HEATR6: variants seen among roughly 807,000 people sequenced by gnomAD.
HEATR6 encodes the protein HEAT repeat-containing protein 6.
HEATR6 carries 106 observed loss-of-function variants against 132.8 expected under a neutral mutation model. That is an observed-to-expected ratio of 0.80 (90% CI 0.68 to 0.94). The LOEUF (loss-of-function observed/expected upper bound fraction) is 0.94. HEATR6 is among the 40% of genes least tolerant of loss of function. The pLI, the probability that HEATR6 is intolerant of heterozygous loss-of-function variation, is 0.00. For synonymous variants in HEATR6, 529 were observed against 537.8 expected (o/e 0.98, Z 0.23); for missense variants, 1,339 against 1,425.1 (o/e 0.94, Z 0.97).
chr17:60,043,940 T>C lies in HEATR6; in HGVS notation c.3169A>G (p.Ile1057Val), dbSNP rs1184886107. 1.9e-6 allele frequency: 3 copies of C among 1,614,144 alleles called. No individual in the cohort carries two copies. The highest frequency in any genetic ancestry group is 1.7e-5 in the Admixed American group (1 of 60,028). Reference sequence around the variant, plus strand: ...CAGTACTTGAATTCCAAAAAGTCTATGGTGTCTTCACTCTTCTGTAAAGCG... The same window carrying C: ...CAGTACTTGAATTCCAAAAAGTCTACGGTGTCTTCACTCTTCTGTAAAGCG... ...VTALQKSEDT[I>V]DFLEFKYCVS... Residue 1057 changes from isoleucine to valine, a missense_variant, in exon 20 of 20, where the codon ATA becomes GTA. Transcript: ENST00000184956.
intron 15 of HEATR6, 77 bp from the exon 16 acceptor site, chr17:60,049,779 A>G (rs1906519085): frequency 2.0e-6 from 3 of 1,509,596 alleles, no homozygotes; most frequent in East Asian, 4.6e-5. Flanking sequence ...AAGATGTGAA[A>G]TATCTGTGTC....
At chr17:60,049,742 A>G (rs768016362) in intron 15 of HEATR6, 40 bp from the exon 16 acceptor site, 2 of 1,603,724 alleles carry the variant, frequency 1.2e-6, no homozygotes, top group Non-Finnish European at 1.7e-6. Flanking sequence ...TGAGAATGAA[A>G]TAACTACAAG....
At chr17:60,045,981 TC>T in intron 19 of HEATR6, 43 bp downstream of exon 19, 2 of 1,375,972 alleles carry the variant, frequency 1.5e-6, no homozygotes, top group Non-Finnish European at 2.1e-6. Flanking sequence ...TTGGTGTGTG[TC>T]CCAAGAGGCT....
chr17:60,073,092 G>T (rs2083277842), intron 4 of HEATR6, 72 bp downstream of exon 4: 1 of 812,958 alleles, frequency 1.2e-6, no homozygotes, highest in Non-Finnish European at 2.1e-6. Flanking sequence ...TCAGGCACAG[G>T]GAACTACCTA....
intron 1 of HEATR6, among the ~76,000 whole-genome samples, chr17:60,077,088 C>A (rs192391911): frequency 6.6e-6 from 1 of 152,086 alleles, no homozygotes; most frequent in African/African-American, 2.4e-5. Context: ...CAAACATGTT[C>A]CTGAACCTCA....
intron 12 of HEATR6, 89 bp from the exon 13 acceptor site, chr17:60,056,326 T>TA: frequency 7.8e-7 from 1 of 1,285,716 alleles, no homozygotes; most frequent in East Asian, 2.5e-5. Context: ...AGAAATCGCT[T>TA]ACATTTAACA....
intron 17 of HEATR6, 145 bp downstream of exon 17, chr17:60,048,118 GA>G (rs2145180420): frequency 1.5e-6 from 1 of 648,726 alleles, no homozygotes; most frequent in East Asian, 2.9e-5. Flanking sequence ...TTTATTTTCT[GA>G]AGGAATATCA....
At chr17:60,045,521 A>C (rs1170685178) in intron 19 of HEATR6, among the ~76,000 whole-genome samples, 1 of 152,232 alleles carries the variant, frequency 6.6e-6, no homozygotes, top group Non-Finnish European at 1.5e-5. Context: ...AATGGCATCC[A>C]CTTCTGTACA....
At chr17:60,056,043 A>C in intron 13 of HEATR6, 72 bp downstream of exon 13, 11 of 1,501,970 alleles carry the variant, frequency 7.3e-6, no homozygotes, top group Non-Finnish European at 1.0e-5. Context: ...AAAAGGAAGG[A>C]TATAAAGTGA....
intron 5 of HEATR6, among the ~76,000 whole-genome samples, chr17:60,071,359 A>C (rs2083269162): frequency 6.6e-6 from 1 of 152,198 alleles, no homozygotes; most frequent in Non-Finnish European, 1.5e-5. Context: ...AAATAGTGGG[A>C]AAATTTTAAA....
At chr17:60,061,999 A>G (rs2083214732) in intron 9 of HEATR6, among the ~76,000 whole-genome samples, 2 of 152,282 alleles carry the variant, frequency 1.3e-5, no homozygotes, top group African/African-American at 4.8e-5. Context: ...GAAAATCATG[A>G]CTATCACAGA....
At chr17:60,047,270 T>C (rs551690028) in intron 18 of HEATR6, 39 bp downstream of exon 18, 35 of 1,319,452 alleles carry the variant, frequency 2.7e-5, no homozygotes, top group Non-Finnish European at 3.6e-5. Flanking sequence ...ATACATTAAC[T>C]ATCTGTTTGG....
At chr17:60,059,790 T>G (rs1367732314) in intron 10 of HEATR6, 100 bp downstream of exon 10, 13 of 856,452 alleles carry the variant, frequency 1.5e-5, no homozygotes, top group Non-Finnish European at 2.3e-5. Flanking sequence ...AAACTATTAC[T>G]TAGTTATATT....
At chr17:60,078,637 C>A in intron 1 of HEATR6, 59 bp downstream of exon 1, 3 of 1,371,716 alleles carry the variant, frequency 2.2e-6, no homozygotes, top group Non-Finnish European at 3.0e-6. Flanking sequence ...GCAGAGGCCA[C>A]CAGCTGGGTT....
chr17:60,059,764 T>C lies in HEATR6; in HGVS notation c.1623+126A>G, dbSNP rs150174789. 4.2e-3 allele frequency: 3,158 copies of C among 750,110 alleles called. 11 individuals are homozygous for C. Among genetic ancestry groups the C allele is most frequent in the Non-Finnish European group, 5.6e-3 (2,458 of 438,776 alleles). The allele number at this position is 750,110 out of a possible 1,614,324, so 46.5% of individuals were successfully genotyped here. A position where few individuals can be genotyped will look rare whatever the true frequency, so the allele number is the denominator to read the frequency against. ...AGACGAGTAGGTACAGACTTCCAAATAGTGTATTTTTAATAAAACTATTAC... is the reference window on the plus strand; with the variant it reads ...AGACGAGTAGGTACAGACTTCCAAACAGTGTATTTTTAATAAAACTATTAC... On this transcript the variant is annotated intron_variant, in intron 10 of 19. Coordinates refer to ENST00000184956, the MANE Select transcript of HEATR6 (RefSeq NM_022070.5).
rs1366950601 is a variant in HEATR6, at chr17:60,041,302, T to C, written c.*2261A>G. Among the ~76,000 whole-genome samples the C allele has an allele frequency of 2.0e-5, 3 of 151,972 alleles. No homozygotes were observed. The highest frequency in any genetic ancestry group is 6.6e-5 in the Admixed American group (1 of 15,264). ...AGAAGCTGAAGTTTTAAAAAGAAAA[T>C]GAATGGGATTTTATTCAAGATAAGG... On this transcript the variant is annotated 3_prime_UTR_variant, in exon 20 of 20. Coordinates refer to ENST00000184956, the MANE Select transcript of HEATR6 (RefSeq NM_022070.5).
At chr17:60,058,685 G>A (rs572590912) in intron 11 of HEATR6, among the ~76,000 whole-genome samples, 1 of 152,304 alleles carries the variant, frequency 6.6e-6, no homozygotes, top group South Asian at 2.1e-4. Context: ...GGTTCAGAGA[G>A]GGTCATGGCC....
intron 19 of HEATR6, 78 bp from the exon 20 acceptor site, chr17:60,044,212 G>C: frequency 5.9e-6 from 6 of 1,016,848 alleles, no homozygotes; most frequent in Non-Finnish European, 8.8e-6. Flanking sequence ...GTGGAAGGAA[G>C]CTTAAACACT....
At chr17:60,052,678 C>T (rs915917824) in intron 14 of HEATR6, among the ~76,000 whole-genome samples, 1 of 152,114 alleles carries the variant, frequency 6.6e-6, no homozygotes, top group African/African-American at 2.4e-5. Context: ...ATGCAAAGGG[C>T]AGAGGGAGCA....
Sources: gnomAD v4.1 joint callset for allele counts (sites outside exome capture counted in the v4.1 genomes callset) on GRCh38, gnomAD v4.1.1 for gene constraint, MANE v1.5 for transcripts, NCBI Gene and HGNC (gene_info 2026-07-23, HGNC 2026-07-21) for gene names.